ITPR1: variants seen among roughly 807,000 people sequenced by gnomAD.
ITPR1 encodes the protein inositol 1,4,5-trisphosphate-gated calcium channel ITPR1.
ITPR1 carries 96 observed loss-of-function variants against 318.4 expected under a neutral mutation model. The observed-to-expected ratio is 0.30, with a 90% confidence interval of 0.26 to 0.36. The LOEUF (loss-of-function observed/expected upper bound fraction) is 0.36. Ranked by LOEUF, ITPR1 falls within the 10% of genes least tolerant of loss-of-function variation. The pLI is 1.00. For synonymous variants in ITPR1, 1,312 were observed against 1,289.9 expected, an observed-to-expected ratio of 1.02 and a Z score of -0.37; for missense variants, 2,440 against 3,460.2, an observed-to-expected ratio of 0.71 and a Z score of 7.40.
chr3:4,843,296 TCTC>T (rs2051505063), intron 61 of ITPR1, among the ~76,000 whole-genome samples: 1 of 152,168 alleles, frequency 6.6e-6, no homozygotes, highest in Admixed American at 6.5e-5. Context: ...CAGACAATCT[TCTC>T]CAAGAGCTTC....
At position 4,691,479 on chromosome 3, in the gene ITPR1, T is replaced by A. The variant is rs56331780; in HGVS notation, c.4029+135T>A. On this transcript the variant is annotated intron_variant, in intron 32 of 61. Transcript: ENST00000649015. ...GACAGAAAGTAATTGTGTGTGCATA[T>A]GTCTGTGTCATCTCTTGTGTGAGCT... is the stretch of plus-strand genomic sequence containing the variant. 0.018 allele frequency: 11,154 copies of A among 608,772 alleles called. 982 individuals carry two copies. The African/African-American group carries it at 0.18, about 10-fold the overall frequency. 37.7% of individuals were successfully genotyped at this position (608,772 alleles called of 1,614,324 possible).
chr3:4,740,850 G>A (rs533158626), intron 44 of ITPR1, among the ~76,000 whole-genome samples: 3 of 152,312 alleles, frequency 2.0e-5, no homozygotes, highest in Non-Finnish European at 2.9e-5. Context: ...ATAGGATCAC[G>A]CTTGTCTTGA....
At chr3:4,674,425 G>C (rs2094145743) in intron 22 of ITPR1, 82 bp downstream of exon 22, 2 of 1,216,640 alleles carry the variant, frequency 1.6e-6, no homozygotes, top group Admixed American at 5.9e-5. Context: ...AAATATGTGA[G>C]TAGGTTGTGA....
In ITPR1 at chr3:4,683,570, G is replaced by T. The variant is rs372294221; in HGVS notation, c.3327+19G>T. The T allele has an allele frequency of 2.4e-5, 38 of 1,613,594 alleles. No homozygotes were observed. The highest frequency in any genetic ancestry group is 2.8e-5 in the Non-Finnish European group (33 of 1,179,606). On this transcript the variant is annotated intron_variant, in intron 27 of 61. Coordinates refer to ENST00000649015, the MANE Select transcript of ITPR1 (RefSeq NM_001378452.1). The stretch of plus-strand genomic sequence containing the variant: ...CAAACAGGTAGCTCAGGTCACCCAC[G>T]TGTGTGTTGTCTGTCCAAGAAGCTG...
At chr3:4,822,058 C>T (rs1191360369) in intron 60 of ITPR1, among the ~76,000 whole-genome samples, 1 of 152,234 alleles carries the variant, frequency 6.6e-6, no homozygotes, top group East Asian at 1.9e-4. Flanking sequence ...AGAGTTTCCG[C>T]TCTGTGCCTT....
At chr3:4,567,668 C>T (rs758942394) in intron 4 of ITPR1, among the ~76,000 whole-genome samples, 1 of 151,964 alleles carries the variant, frequency 6.6e-6, no homozygotes, top group Non-Finnish European at 1.5e-5. Context: ...TGCATGCTGC[C>T]ATCTTGGCTC....
chr3:4,807,103 GA>G (rs1441324596), intron 55 of ITPR1, among the ~76,000 whole-genome samples: 8 of 22,216 alleles, frequency 3.6e-4, no homozygotes, highest in Non-Finnish European at 8.0e-4. Flanking sequence ...CTTACAAAGA[GA>G]GGGGGGCTTA....
intron 51 of ITPR1, among the ~76,000 whole-genome samples, chr3:4,786,303 A>G (rs1008479685): frequency 2.6e-5 from 4 of 152,192 alleles, no homozygotes; most frequent in African/African-American, 4.8e-5. Flanking sequence ...TTCCAGTTAA[A>G]TGGGGTTGAG....
At chr3:4,672,100 A>C (rs1300808904) in intron 20 of ITPR1, among the ~76,000 whole-genome samples, 1 of 152,200 alleles carries the variant, frequency 6.6e-6, no homozygotes, top group East Asian at 1.9e-4. Context: ...ATTTGATCAC[A>C]TGCTGCAGTT....
At chr3:4,726,703 G>A (rs2042542247) in intron 41 of ITPR1, among the ~76,000 whole-genome samples, 1 of 152,202 alleles carries the variant, frequency 6.6e-6, no homozygotes, top group Non-Finnish European at 1.5e-5. Flanking sequence ...TCCCATATCT[G>A]TGTCTGCTCA....
chr3:4,654,213 C>G (rs1257560915), intron 12 of ITPR1, among the ~76,000 whole-genome samples: 2 of 152,188 alleles, frequency 1.3e-5, no homozygotes, highest in East Asian at 3.8e-4. Context: ...ATGGTCTTTT[C>G]AAACCAATTG....
intron 56 of ITPR1, among the ~76,000 whole-genome samples, chr3:4,812,574 T>C (rs925283117): frequency 1.3e-5 from 2 of 152,142 alleles, no homozygotes; most frequent in Admixed American, 6.5e-5. Context: ...TCAGTTACAA[T>C]AGTTGGCCCG....
chr3:4,748,487 G>A (rs2044266613), intron 44 of ITPR1, among the ~76,000 whole-genome samples: 1 of 151,892 alleles, frequency 6.6e-6, no homozygotes, highest in African/African-American at 2.4e-5. Context: ...CTTAATTTCT[G>A]CTGGTGTCTT....
In ITPR1 at chr3:4,620,140, C is replaced by T. The variant is rs2322805; in HGVS notation, c.164-7623C>T. 9.8e-3 allele frequency among the ~76,000 whole-genome samples: 1,484 copies of T among 152,204 alleles called. 19 individuals carry two copies. The highest frequency in any genetic ancestry group is 0.034 in the African/African-American group (1,392 of 41,520). ...TGGGTCTTGAGCTATAGTTAGAAGACGATGTTCCAGACACCTGCTGGAGAG... is the reference window on the plus strand; with the variant it reads ...TGGGTCTTGAGCTATAGTTAGAAGATGATGTTCCAGACACCTGCTGGAGAG... On this transcript the variant is annotated intron_variant, in intron 4 of 61. Coordinates refer to ENST00000649015, the MANE Select transcript of ITPR1 (RefSeq NM_001378452.1).
chr3:4,519,372 G>T (rs553465704), intron 3 of ITPR1, among the ~76,000 whole-genome samples: 1 of 152,100 alleles, frequency 6.6e-6, no homozygotes, highest in South Asian at 2.1e-4. Context: ...GACTACAGGC[G>T]CCTGCCACCA....
intron 30 of ITPR1, among the ~76,000 whole-genome samples, chr3:4,686,604 G>A (rs1297773279): frequency 6.6e-6 from 1 of 152,184 alleles, no homozygotes; most frequent in East Asian, 1.9e-4. Context: ...GTGACTCAAA[G>A]GAAGAATATC....
In ITPR1 at chr3:4,627,878, C is replaced by A. The variant is rs371299264; in HGVS notation, c.279C>A (p.His93Gln). 2.5e-6 allele frequency: 4 copies of A among 1,598,252 alleles called. No individual in the cohort carries two copies. The South Asian group carries it at 3.3e-5, about 13-fold the overall frequency. Residue 93 changes from histidine (H) to glutamine (Q), a missense_variant and splice_region_variant, in exon 5 of 62, where the codon CAC (histidine) becomes CAA (glutamine). His to Gln is a conservative substitution (Grantham distance 24). Transcript: ENST00000649015. ...TTDAVLLNKLHHAADLEKKQN... is the reference protein window; with the variant it reads ...TTDAVLLNKLQHAADLEKKQN... ...ACGCAGTGCTACTCAACAAACTGCA[C>A]GTACGTATTGCCATGGGGCTGTCGA...
chr3:4,518,539 T>C (rs2124921902), intron 3 of ITPR1, among the ~76,000 whole-genome samples: 1 of 152,308 alleles, frequency 6.6e-6, no homozygotes, highest in East Asian at 1.9e-4. Flanking sequence ...TGACAACCCT[T>C]CCTGTTTTTA....
chr3:4,620,112 G>A (rs1386992848), intron 4 of ITPR1, among the ~76,000 whole-genome samples: 1 of 152,120 alleles, frequency 6.6e-6, no homozygotes, highest in African/African-American at 2.4e-5. Context: ...AGTGGACCCA[G>A]TTTGGGTCTT....
Sources: gnomAD v4.1 joint callset for allele counts (sites outside exome capture counted in the v4.1 genomes callset) on GRCh38, gnomAD v4.1.1 for gene constraint, MANE v1.5 for transcripts, NCBI Gene and HGNC (gene_info 2026-07-23, HGNC 2026-07-21) for gene names.